CCDC178: variants seen among roughly 807,000 people sequenced by gnomAD.
CCDC178 encodes coiled-coil domain-containing protein 178.
CCDC178 carries 126 observed loss-of-function variants against 117.4 expected under a neutral mutation model. The ratio of observed to expected loss-of-function variants is 1.07; its 90% CI spans 0.93 to 1.24. The LOEUF (loss-of-function observed/expected upper bound fraction) is 1.24, where lower values mean the gene tolerates loss of function less well. Among genes scored for constraint, CCDC178 ranks in the 50% most tolerant of loss-of-function variants. The pLI is 0.00. For synonymous variants in CCDC178, 283 were observed against 313.4 expected (o/e 0.90, Z 1.02); for missense variants, 1,030 against 986.9 (o/e 1.04, Z -0.59).
intron 20 of CCDC178, among the ~76,000 whole-genome samples, chr18:33,153,977 C>T (rs575650925): frequency 1.1e-4 from 17 of 151,924 alleles, no homozygotes; most frequent in East Asian, 5.8e-4. Context: ...CGAGAAAAGA[C>T]GTAATATTGG....
At chr18:33,433,335 A>C (rs982370202) in intron 2 of CCDC178, among the ~76,000 whole-genome samples, 1 of 152,172 alleles carries the variant, frequency 6.6e-6, no homozygotes, top group Non-Finnish European at 1.5e-5. Flanking sequence ...GTTGCTAAAT[A>C]AAAAAACTTC....
At chr18:33,018,922 CCT>C (rs1416292779) in intron 21 of CCDC178, among the ~76,000 whole-genome samples, 2 of 151,822 alleles carry the variant, frequency 1.3e-5, no homozygotes, top group Admixed American at 1.3e-4. Context: ...ACAAAAATTC[CCT>C]GTTTGCAATA....
At chr18:33,246,888 T>C (rs2059555475) in intron 14 of CCDC178, among the ~76,000 whole-genome samples, 1 of 151,946 alleles carries the variant, frequency 6.6e-6, no homozygotes, top group African/African-American at 2.4e-5. Context: ...TTATCCCCAA[T>C]ATCATCTTTG....
chr18:33,180,219 C>T (rs1309877165), intron 20 of CCDC178, among the ~76,000 whole-genome samples: 1 of 150,478 alleles, frequency 6.6e-6, no homozygotes, highest in East Asian at 2.0e-4. Flanking sequence ...GATATCAAAA[C>T]TTGATTCCAT....
chr18:33,279,343 C>T (rs371453501), intron 12 of CCDC178, among the ~76,000 whole-genome samples: 1 of 146,978 alleles, frequency 6.8e-6, no homozygotes, highest in African/African-American at 2.5e-5. Context: ...CATGAGTGAA[C>T]TCCCATTCAC....
intron 21 of CCDC178, among the ~76,000 whole-genome samples, chr18:33,056,464 G>A (rs1026904729): frequency 9.2e-5 from 14 of 152,154 alleles, no homozygotes; most frequent in Admixed American, 6.5e-4. Context: ...GATAAACGTG[G>A]CAGGGCCATA....
At chr18:33,345,632 A>T (rs2144675940) in intron 9 of CCDC178, among the ~76,000 whole-genome samples, 1 of 152,286 alleles carries the variant, frequency 6.6e-6, no homozygotes, top group Admixed American at 6.5e-5. Context: ...AAGTTCTAGA[A>T]ATTCAAATAC....
chr18:33,056,616 A>T (rs2056834340), intron 21 of CCDC178, among the ~76,000 whole-genome samples: 1 of 152,220 alleles, frequency 6.6e-6, no homozygotes, highest in Non-Finnish European at 1.5e-5. Context: ...TGAGAGTTTT[A>T]TCCATGAAGA....
chr18:33,249,971 A>G (rs1041611903), intron 14 of CCDC178, among the ~76,000 whole-genome samples: 3 of 151,980 alleles, frequency 2.0e-5, no homozygotes. Flanking sequence ...TTCTCCTTGA[A>G]GAGTTCCTTC....
At chr18:32,983,159 T>A in intron 21 of CCDC178, 1 of 568,020 alleles carries the variant, frequency 1.8e-6, no homozygotes, top group Non-Finnish European at 3.0e-6. Flanking sequence ...AAACCACTTC[T>A]CAGTACACTG....
intron 20 of CCDC178, among the ~76,000 whole-genome samples, chr18:33,195,910 TTAAG>T (rs957200020): frequency 1.3e-5 from 2 of 152,204 alleles, no homozygotes; most frequent in African/African-American, 4.8e-5. Context: ...TTTCAAGCTG[TTAAG>T]TAATGTCTGG....
intron 11 of CCDC178, among the ~76,000 whole-genome samples, chr18:33,311,857 A>C (rs753907027): frequency 5.3e-5 from 8 of 152,042 alleles, no homozygotes; most frequent in Non-Finnish European, 1.2e-4. Context: ...GGTTTTGAAC[A>C]CCCCCTGGGG....
At chr18:32,939,134 A>G (rs550261244) in intron 22 of CCDC178, among the ~76,000 whole-genome samples, 25 of 152,272 alleles carry the variant, frequency 1.6e-4, no homozygotes, top group Non-Finnish European at 2.1e-4. Context: ...TCATGAACAT[A>G]TTTTGTAGAG....
intron 12 of CCDC178, among the ~76,000 whole-genome samples, chr18:33,268,621 A>C (rs537230359): frequency 3.9e-5 from 6 of 151,938 alleles, no homozygotes; most frequent in African/African-American, 1.4e-4. Context: ...TTGACAGCAC[A>C]TTTTATAAAA....
intron 21 of CCDC178, among the ~76,000 whole-genome samples, chr18:33,083,875 A>G (rs969567995): frequency 3.9e-5 from 6 of 152,200 alleles, no homozygotes; most frequent in African/African-American, 1.4e-4. Context: ...TTCTCATTTC[A>G]AGATCAGATA....
chr18:33,132,541 A>G (rs2058078432), intron 20 of CCDC178, among the ~76,000 whole-genome samples: 5 of 151,744 alleles, frequency 3.3e-5, no homozygotes, highest in Admixed American at 3.3e-4. Flanking sequence ...TTAAATGACT[A>G]ATATTTATTA....
Position 33,076,271 on chromosome 18 carries a change from C to T in CCDC178, c.2388+16490G>A, listed in dbSNP as rs372390365. 3.3e-5 allele frequency among the ~76,000 whole-genome samples: 5 copies of T among 152,296 alleles called. No individual in the cohort carries two copies. The East Asian group carries it at 5.8e-4, about 18-fold the overall frequency. On this transcript the variant is annotated intron_variant, in intron 21 of 22. Coordinates refer to ENST00000383096, the MANE Select transcript of CCDC178 (RefSeq NM_001105528.4). ...GACTTCCCCAGACATCCATGAATGA[C>T]ACCTCCAATCCTAGCATTCTTAGGT...
intron 21 of CCDC178, among the ~76,000 whole-genome samples, chr18:33,071,621 G>C (rs529713969): frequency 6.6e-6 from 1 of 152,106 alleles, no homozygotes; most frequent in Non-Finnish European, 1.5e-5. Context: ...CTTGTTTTCA[G>C]GAGGTCTTGG....
intron 20 of CCDC178, among the ~76,000 whole-genome samples, chr18:33,158,266 T>C (rs2058423932): frequency 6.6e-6 from 1 of 152,160 alleles, no homozygotes; most frequent in South Asian, 2.1e-4. Context: ...GTGATCTAAT[T>C]GGTATATCTT....
Sources: gnomAD v4.1 joint callset for allele counts (sites outside exome capture counted in the v4.1 genomes callset) on GRCh38, gnomAD v4.1.1 for gene constraint, MANE v1.5 for transcripts, NCBI Gene and HGNC (gene_info 2026-07-23, HGNC 2026-07-21) for gene names.